Variants in TCF20 observed in about 807,000 individuals in gnomAD.
The protein encoded by TCF20 is transcription factor 20, also known as SPRE-binding protein.
In TCF20, 3 loss-of-function variants were observed where a neutral mutation model predicts 148.6. That is an observed-to-expected ratio of 0.02 (90% confidence interval 0.01 to 0.05). The LOEUF (loss-of-function observed/expected upper bound fraction) is 0.05. TCF20 is among the 10% of genes least tolerant of loss of function. The pLI is 1.00. For synonymous variants in TCF20, 1,049 were observed against 909.5 expected, an observed-to-expected ratio of 1.15 and a Z score of -2.76; for missense variants, 2,350 against 2,429.3, an observed-to-expected ratio of 0.97 and a Z score of 0.69.
At chr22:42,325,941 A>C (rs1927867897) in intron 1 of TCF20, among the ~76,000 whole-genome samples, 1 of 152,136 alleles carries the variant, frequency 6.6e-6, no homozygotes, top group Admixed American at 6.5e-5. Context: ...CAGGTGAGTA[A>C]GACATGGTTT....
chr22:42,202,815 C>G (rs1187854166), intron 2 of TCF20, among the ~76,000 whole-genome samples: 1 of 152,228 alleles, frequency 6.6e-6, no homozygotes, highest in Admixed American at 6.5e-5. Flanking sequence ...CAGAATCACA[C>G]AAACTTTCCT....
intron 1 of TCF20, among the ~76,000 whole-genome samples, chr22:42,265,142 A>G (rs1926215603): frequency 6.6e-6 from 1 of 152,222 alleles, no homozygotes; most frequent in African/African-American, 2.4e-5. Flanking sequence ...TCTTACACAG[A>G]AAGTACTGAT....
chr22:42,291,665 C>T (rs1260654215), intron 1 of TCF20, among the ~76,000 whole-genome samples: 1 of 152,028 alleles, frequency 6.6e-6, no homozygotes, highest in Non-Finnish European at 1.5e-5. Flanking sequence ...GAGAGGGGAA[C>T]AGATGGGGTG....
chr22:42,333,264 T>C (rs1242082041), intron 1 of TCF20, among the ~76,000 whole-genome samples: 16 of 150,700 alleles, frequency 1.1e-4, no homozygotes, highest in African/African-American at 3.9e-4. Flanking sequence ...GTGTAGACAG[T>C]GGCAGGAGGT....
At chr22:42,252,583 T>C (rs1238221987) in intron 1 of TCF20, among the ~76,000 whole-genome samples, 1 of 152,082 alleles carries the variant, frequency 6.6e-6, no homozygotes, top group Non-Finnish European at 1.5e-5. Flanking sequence ...CCCAAGTAGC[T>C]GGGATTACAG....
chr22:42,193,347 T>C (rs1937436355), intron 2 of TCF20, among the ~76,000 whole-genome samples: 1 of 150,968 alleles, frequency 6.6e-6, no homozygotes, highest in Non-Finnish European at 1.5e-5. Context: ...GCCAAAGAGT[T>C]TGAGGTTGCA....
At chr22:42,331,496 AC>A (rs1404619385) in intron 1 of TCF20, among the ~76,000 whole-genome samples, 2 of 152,132 alleles carry the variant, frequency 1.3e-5, no homozygotes, top group South Asian at 2.1e-4. Flanking sequence ...TCCACCAGGG[AC>A]CCCCATCACC....
At chr22:42,282,515 G>A (rs1327323659) in intron 1 of TCF20, among the ~76,000 whole-genome samples, 3 of 152,354 alleles carry the variant, frequency 2.0e-5, no homozygotes, top group South Asian at 2.1e-4. Context: ...CACTGTAGCC[G>A]GGGGAGCGCC....
intron 1 of TCF20, among the ~76,000 whole-genome samples, chr22:42,320,112 T>A (rs1049209665): frequency 6.6e-6 from 1 of 152,164 alleles, no homozygotes; most frequent in Non-Finnish European, 1.5e-5. Context: ...CTGGCCCCCC[T>A]GACCTCTCCG....
chr22:42,272,814 C>A (rs116861594), upstream of TCF20, among the ~76,000 whole-genome samples: 45 of 152,272 alleles, frequency 3.0e-4, no homozygotes, highest in East Asian at 7.5e-3. Context: ...GACTGCGTGG[C>A]CTTGGACAAG....
intron 2 of TCF20, among the ~76,000 whole-genome samples, chr22:42,194,541 T>C (rs931157720): frequency 5.9e-5 from 9 of 151,904 alleles, no homozygotes; most frequent in African/African-American, 2.2e-4. Context: ...AAGTTGTCAC[T>C]TGGCCCACAG....
chr22:42,274,047 C>A (rs1259951035), upstream of TCF20: 1 of 152,724 alleles, frequency 6.5e-6, no homozygotes, highest in African/African-American at 2.4e-5. Flanking sequence ...TGAGCAGACA[C>A]ACAGCCCTCA....
intron 1 of TCF20, among the ~76,000 whole-genome samples, chr22:42,333,211 C>A (rs1928008567): frequency 6.6e-6 from 1 of 151,256 alleles, no homozygotes; most frequent in East Asian, 1.9e-4. Context: ...GCAGGAGCTG[C>A]CTCGCTGTGC....
intron 3 of TCF20, among the ~76,000 whole-genome samples, chr22:42,174,559 AAACT>A (rs1173831185): frequency 6.6e-6 from 1 of 152,100 alleles, no homozygotes; most frequent in African/African-American, 2.4e-5. Context: ...TCCCAATATA[AAACT>A]AACAATCAAC....
At chr22:42,243,310 A>AAAAAAAAAC (rs1924618260) in intron 1 of TCF20, among the ~76,000 whole-genome samples, 2 of 140,860 alleles carry the variant, frequency 1.4e-5, no homozygotes, top group African/African-American at 6.1e-5. Context: ...AAAAAAAAAA[A>AAAAAAAAAC]AAAAAAAAAA....
intron 1 of TCF20, among the ~76,000 whole-genome samples, chr22:42,225,070 A>G (rs1284162949): frequency 6.9e-6 from 1 of 144,472 alleles, no homozygotes; most frequent in East Asian, 2.0e-4. Context: ...ATCTTGGCTC[A>G]CTGTAGCCTC....
intron 1 of TCF20, among the ~76,000 whole-genome samples, chr22:42,294,272 C>A (rs1927187348): frequency 6.6e-6 from 1 of 152,370 alleles, no homozygotes; most frequent in South Asian, 2.1e-4. Flanking sequence ...AGGCACCTGC[C>A]AATCTCAGCC....
At chr22:42,174,711 T>C (rs907926420) in intron 3 of TCF20, among the ~76,000 whole-genome samples, 1 of 151,782 alleles carries the variant, frequency 6.6e-6, no homozygotes, top group African/African-American at 2.4e-5. Flanking sequence ...AGACCCTGTC[T>C]CAAAAAAAAT....
At chr22:42,281,951 G>A (rs1274469057) in intron 1 of TCF20, among the ~76,000 whole-genome samples, 1 of 152,238 alleles carries the variant, frequency 6.6e-6, no homozygotes, top group Non-Finnish European at 1.5e-5. Flanking sequence ...GCCTAACAGG[G>A]AGACAGACCC....
Sources: allele counts gnomAD v4.1 joint callset (sites outside exome capture counted in the v4.1 genomes callset), GRCh38; gene constraint gnomAD v4.1.1; transcripts MANE v1.5; gene names NCBI Gene and HGNC (gene_info 2026-07-23, HGNC 2026-07-21).